Variants in MYH9 observed in about 807,000 individuals in gnomAD.
MYH9 encodes the protein myosin-9.
MYH9 carries 29 observed loss-of-function variants against 241.9 expected under a neutral mutation model. That is an observed-to-expected ratio of 0.12 (90% CI 0.09 to 0.16). The LOEUF (loss-of-function observed/expected upper bound fraction) is 0.16. Among genes scored for constraint, MYH9 ranks in the 10% least tolerant of loss-of-function variants. The pLI is 1.00. For missense variants in MYH9, 1,803 were observed against 2,595.5 expected (o/e 0.69, Z 6.63); for synonymous variants, 1,047 against 1,062.6 (o/e 0.99, Z 0.29).
intron 21 of MYH9, 45 bp downstream of exon 21, chr22:36,301,489 C>T: frequency 6.2e-7 from 1 of 1,609,898 alleles, no homozygotes; most frequent in South Asian, 1.1e-5. Flanking sequence ...GGTGGCAGCA[C>T]CAGGCAGGTC....
chr22:36,387,948 C>T lies in MYH9; in HGVS notation c.-161G>A, dbSNP rs1204683214. 1.3e-5 allele frequency: 2 copies of T among 152,130 alleles called. No homozygotes were observed. Among genetic ancestry groups the T allele is most frequent in the African/African-American group, 2.4e-5 (1 of 41,438 alleles). 9.4% of individuals were successfully genotyped at this position (152,130 alleles called of 1,614,324 possible). A position where few individuals can be genotyped will look rare whatever the true frequency, so the allele number is the denominator to read the frequency against. ...CTTGCTTAGCCTTCCGTGCCCTGCC[C>T]AGGAACCGCGGTGATCTGCGCGCCT... On this transcript the variant is annotated 5_prime_UTR_variant, in exon 1 of 41. Transcript: ENST00000216181.
At position 36,287,732 on chromosome 22, in the gene MYH9, A is replaced by G. The variant is rs2016611576; in HGVS notation, c.4932+520T>C. ...ACTCCAGCCTGAGCGACAGAGCGAG[A>G]CTCCGTCTCAAACAAACAAACAAAA... On this transcript the variant is annotated intron_variant, in intron 34 of 40. Transcript: ENST00000216181. Among the ~76,000 whole-genome samples the G allele has an allele frequency of 2.6e-5, 4 of 152,232 alleles. No homozygotes were observed. The South Asian group carries it at 8.3e-4, about 31-fold the overall frequency.
intron 6 of MYH9, 96 bp downstream of exon 6, chr22:36,322,333 G>A (rs1313500932): frequency 7.3e-7 from 1 of 1,366,750 alleles, no homozygotes; most frequent in East Asian, 2.3e-5. Flanking sequence ...ACCGTCCTCG[G>A]TTTTGAGGGG....
rs1019924740 is a variant in MYH9 at position 36,293,157 on chromosome 22, C to T, written c.4095+172G>A. ...TGTCCCCCATCTAAGTCCACAGATC[C>T]CTGGATTCCTTTCCTTGAGAGCACT... On this transcript the variant is annotated intron_variant, in intron 30 of 40. Coordinates refer to ENST00000216181, the MANE Select transcript of MYH9 (RefSeq NM_002473.6). The surrounding 1 kb of genome is among the most constrained non-coding windows in gnomAD (Gnocchi z 5.1). Among the ~76,000 whole-genome samples the T allele has an allele frequency of 6.6e-6, 1 of 152,214 alleles. No individual in the cohort carries two copies. Among genetic ancestry groups the T allele is most frequent in the African/African-American group, 2.4e-5 (1 of 41,454 alleles).
In MYH9 at chr22:36,284,102, T is replaced by C; in HGVS notation, c.5756A>G (p.Asn1919Ser). The change falls in exon 40 of 41, where the codon AAC becomes AGC. Residue 1919 changes from asparagine (N) to serine (S), a missense_variant. By Grantham distance (46) the Asn-to-Ser change is conservative (BLOSUM62 1). This residue lies in a region of MYH9 where 876 missense variants were observed against 1,077.8 expected (regional missense o/e 0.81). Coordinates refer to ENST00000216181, the MANE Select transcript of MYH9 (RefSeq NM_002473.6). ...AMNREVSSLK[N>S]KLRRGDLPFV... Reference sequence around the variant, plus strand: ...GGGCAGGGCGGCTCACCTGAGCTTGTTCTTTAGGGAGCTGACTTCGCGGTT... The same window carrying C: ...GGGCAGGGCGGCTCACCTGAGCTTGCTCTTTAGGGAGCTGACTTCGCGGTT... The C allele has an allele frequency of 6.2e-7, 1 of 1,614,176 alleles. No individual in the cohort carries two copies. Among genetic ancestry groups the C allele is most frequent in the Admixed American group, 1.7e-5 (1 of 60,032 alleles).
At chr22:36,312,359 G>A (rs1361034894) in intron 13 of MYH9, 137 bp from the exon 14 acceptor site, 4 of 705,376 alleles carry the variant, frequency 5.7e-6, no homozygotes, top group Non-Finnish European at 9.3e-6. Context: ...GAGAAGCAAA[G>A]CACTGTTGAA....
chr22:36,291,930 T>G, intron 31 of MYH9, 56 bp downstream of exon 31: 1 of 1,612,490 alleles, frequency 6.2e-7, no homozygotes, highest in South Asian at 1.1e-5. Flanking sequence ...CCCTTTGCTT[T>G]GGACTCAGTG....
intron 14 of MYH9, among the ~76,000 whole-genome samples, chr22:36,310,965 C>T (rs1431833457): frequency 1.1e-4 from 17 of 152,094 alleles, no homozygotes; most frequent in Admixed American, 9.8e-4. Flanking sequence ...CAGTTGCTTC[C>T]GCAGCCCCAG....
At chr22:36,283,655 C>G (rs766062585) in intron 40 of MYH9, among the ~76,000 whole-genome samples, 4 of 151,872 alleles carry the variant, frequency 2.6e-5, no homozygotes, top group African/African-American at 9.7e-5. Flanking sequence ...CAAAAAAACA[C>G]GTAAGAAATG....
Position 36,289,249 on chromosome 22 carries a change from C to T in MYH9, c.4393G>A (p.Asp1465Asn), listed in dbSNP as rs201248264. 10 of 1,612,742 alleles carry T rather than the reference C, an allele frequency of 6.2e-6. No homozygotes were observed. Among genetic ancestry groups the T allele is most frequent in the African/African-American group, 5.3e-5 (4 of 75,070 alleles). The stretch of plus-strand genomic sequence containing the variant: ...TCTCGGGCCTCCGCCTCAGCCCGGT[C>T]GCGCTCCTCTGCATACTTGGCAGAG... ...TISAKYAEER[D>N]RAEAEAREKE... is the part of the protein sequence containing the mutation. The change falls in exon 32 of 41, where the codon GAC becomes AAC. Residue 1465 changes from aspartate (D) to asparagine (N), a missense_variant. Transcript: ENST00000216181.
chr22:36,328,778 G>A (rs1364376033), intron 3 of MYH9: 1 of 152,264 alleles, frequency 6.6e-6, no homozygotes, highest in African/African-American at 2.4e-5. Context: ...CACGGATTCA[G>A]CGACGTGTGA....
intron 40 of MYH9, among the ~76,000 whole-genome samples, chr22:36,283,102 T>G (rs2016519656): frequency 6.6e-6 from 1 of 152,252 alleles, no homozygotes; most frequent in Non-Finnish European, 1.5e-5. Context: ...TGCCATCCTC[T>G]GTTGCAACTC....
chr22:36,348,858 C>G (rs1569536654), intron 2 of MYH9, 46 bp downstream of exon 2: 1 of 1,184,592 alleles, frequency 8.4e-7, no homozygotes, highest in Non-Finnish European at 1.2e-6. Flanking sequence ...CCCCCCACCT[C>G]GGAGCCCTCA....
Position 36,300,338 on chromosome 22 carries a change from A to G in MYH9, c.2839-74T>C. 6.3e-7 allele frequency: 1 copy of G among 1,595,764 alleles called. No homozygotes were observed. The highest frequency in any genetic ancestry group is 8.5e-7 in the Non-Finnish European group (1 of 1,173,224). On this transcript the variant is annotated intron_variant, in intron 22 of 40. Transcript: ENST00000216181. The surrounding 1 kb of genome is among the most constrained non-coding windows in gnomAD (Gnocchi z 5.0). Reference sequence around the variant, plus strand: ...CCAAGGTGAAGGCAGCAAGGTCCGAAGGCCAGATCCAAACGCCAAGGAGAA... The same window carrying G: ...CCAAGGTGAAGGCAGCAAGGTCCGAGGGCCAGATCCAAACGCCAAGGAGAA...
Position 36,320,785 on chromosome 22 carries a change from G to C in MYH9, c.868+13C>G, listed in dbSNP as rs2017237662. 4 of 1,606,118 alleles carry C rather than the reference G, an allele frequency of 2.5e-6. No individual in the cohort carries two copies. In the East Asian group the frequency reaches 8.9e-5, roughly 36 times the overall value. ...CGGCAGCCCCGGTGTCAGGCTGCAG[G>C]CCAACTACTCACTCTTCAGGTGCTC... On this transcript the variant is annotated intron_variant, in intron 8 of 40. Coordinates refer to ENST00000216181, the MANE Select transcript of MYH9 (RefSeq NM_002473.6). The surrounding 1 kb of genome is among the most constrained non-coding windows in gnomAD (Gnocchi z 4.8).
chr22:36,302,421 G>A (rs929111390), intron 20 of MYH9, 147 bp downstream of exon 20: 68 of 673,704 alleles, frequency 1.0e-4, no homozygotes, highest in Non-Finnish European at 1.3e-4. Flanking sequence ...GCTGAGGTAG[G>A]AGGATTGCTG....
rs1294998384 is a variant in MYH9 at position 36,300,381 on chromosome 22, G to A, written c.2839-117C>T. The A allele has an allele frequency of 6.8e-7, 1 of 1,462,392 alleles. No homozygotes were observed. Among genetic ancestry groups the A allele is most frequent in the Non-Finnish European group, 9.4e-7 (1 of 1,063,044 alleles). 90.6% of individuals were successfully genotyped at this position (1,462,392 alleles called of 1,614,324 possible). On this transcript the variant is annotated intron_variant, in intron 22 of 40. Coordinates refer to ENST00000216181, the MANE Select transcript of MYH9 (RefSeq NM_002473.6). This position sits in a 1 kb window ranked among gnomAD's most constrained non-coding sequence, Gnocchi z 5.0. ...AAGGAGAAAATAGCAAGGTCTGTGA[G>A]CCCAGGGCCATGGCTGAGGTGGGGA...
Position 36,312,231 on chromosome 22 carries a change from A to G in MYH9, c.1555-9T>C, listed in dbSNP as rs758546964. 1 of 1,613,896 alleles carries G rather than the reference A, an allele frequency of 6.2e-7. No homozygotes were observed. The highest frequency in any genetic ancestry group is 8.5e-7 in the Non-Finnish European group (1 of 1,180,002). ...ATGCCCGGGGGGCCTGCCTGGAGGA[A>G]GCGCAGCATCAGCACAGGTGAGTGC... On this transcript the variant is annotated splice_polypyrimidine_tract_variant and intron_variant, in intron 13 of 40. Coordinates refer to ENST00000216181, the MANE Select transcript of MYH9 (RefSeq NM_002473.6).
At chr22:36,294,450 T>C (rs1569534988) in intron 27 of MYH9, 152 bp from the exon 28 acceptor site, 2 of 786,628 alleles carry the variant, frequency 2.5e-6, no homozygotes, top group Non-Finnish European at 4.2e-6. Context: ...TCGGGCCTCA[T>C]CTGTCCTGTC....
Sources: gnomAD v4.1 joint callset for allele counts (sites outside exome capture counted in the v4.1 genomes callset) on GRCh38, gnomAD v4.1.1 for gene constraint, gnomAD v4.1.1 regional missense constraint, Gnocchi (gnomAD v3.1) non-coding constraint, MANE v1.5 for transcripts, NCBI Gene and HGNC (gene_info 2026-07-23, HGNC 2026-07-21) for gene names.